The following VCF2 variants were observed in gnomAD, a reference collection of about 807,000 sequenced individuals.
VCF2 encodes the protein VCP nuclear cofactor family member 2.
At chrX:55,149,498 A>T in the VCF2 span, among the ~76,000 whole-genome samples, 1 of 111,565 alleles carries the variant, frequency 9.0e-6, no homozygotes, top group South Asian at 3.8e-4. Context: ...CATAAGGCAC[A>T]AGGCCAGAAA....
the VCF2 span, among the ~76,000 whole-genome samples, chrX:55,147,631 C>CTTTTTT: frequency 1.0e-4 from 7 of 68,553 alleles, no homozygotes; most frequent in East Asian, 1.5e-3. Context: ...GTTGGCTTTC[C>CTTTTTT]TTGTTTTTTT....
At chrX:55,160,939 G>A in the VCF2 span, 8 of 1,163,821 alleles carry the variant, frequency 6.9e-6, no homozygotes, top group South Asian at 1.3e-4. Flanking sequence ...CGGGGCACGA[G>A]GCAAGCAGGG....
At chrX:55,149,470 A>G in the VCF2 span, among the ~76,000 whole-genome samples, 1 of 111,514 alleles carries the variant, frequency 9.0e-6, no homozygotes, top group African/African-American at 3.3e-5. Context: ...GAAGATACCA[A>G]TCAAAATACA....
chrX:55,160,821 C>A, the VCF2 span: 6 of 1,153,154 alleles, frequency 5.2e-6, no homozygotes, highest in Non-Finnish European at 5.7e-6. Context: ...CGAGGGACCA[C>A]ATCCCCACCT....
chrX:55,148,512 C>T, the VCF2 span, among the ~76,000 whole-genome samples: 9 of 109,451 alleles, frequency 8.2e-5, no homozygotes, highest in East Asian at 2.8e-4. Context: ...TGGCAAGAAA[C>T]GTTAAAAGGA....
At chrX:55,147,634 G>GTTTTTTTTTTT in the VCF2 span, among the ~76,000 whole-genome samples, 22 of 54,067 alleles carry the variant, frequency 4.1e-4, no homozygotes, top group African/African-American at 1.0e-3. Flanking sequence ...GGCTTTCCTT[G>GTTTTTTTTTTT]TTTTTTTTTT....
At chrX:55,143,638 C>T in the VCF2 span, 3 of 417,438 alleles carry the variant, frequency 7.2e-6, no homozygotes, top group Non-Finnish European at 1.3e-5. Flanking sequence ...AAAGTAAGTC[C>T]GCATGCAGGA....
At chrX:55,158,498 T>G in the VCF2 span, among the ~76,000 whole-genome samples, 1 of 111,338 alleles carries the variant, frequency 9.0e-6, no homozygotes, top group East Asian at 2.8e-4. Flanking sequence ...AAAATTACAG[T>G]TAACAATAAT....
the VCF2 span, among the ~76,000 whole-genome samples, chrX:55,147,634 G>GTTT: frequency 2.0e-3 from 109 of 54,074 alleles, 1 homozygote; most frequent in African/African-American, 2.2e-3. Flanking sequence ...GGCTTTCCTT[G>GTTT]TTTTTTTTTT....
chrX:55,158,701 ACT>A, the VCF2 span, among the ~76,000 whole-genome samples: 425 of 111,395 alleles, frequency 3.8e-3, 2 homozygotes, highest in African/African-American at 0.013. Flanking sequence ...AAAACTTCAA[ACT>A]CTTTTTCCAG....
At chrX:55,160,569 A>G in the VCF2 span, among the ~76,000 whole-genome samples, 1 of 112,089 alleles carries the variant, frequency 8.9e-6, no homozygotes, top group African/African-American at 3.2e-5. Context: ...CGGACTGTGG[A>G]TAAGATTGGT....
chrX:55,145,490 T>G, the VCF2 span: 1 of 752,346 alleles, frequency 1.3e-6, no homozygotes, highest in Non-Finnish European at 1.6e-6. Flanking sequence ...TTCATGTTCA[T>G]AGTCTAAACT....
the VCF2 span, among the ~76,000 whole-genome samples, chrX:55,144,161 G>T: frequency 1.8e-5 from 2 of 111,638 alleles, no homozygotes; most frequent in African/African-American, 6.5e-5. Context: ...CAACTACACT[G>T]TGTTTTTAAT....
the VCF2 span, chrX:55,145,918 T>A: frequency 9.6e-7 from 1 of 1,040,697 alleles, no homozygotes; most frequent in Non-Finnish European, 1.2e-6. Flanking sequence ...AAACATTTAT[T>A]CACAGCCCCT....
the VCF2 span, among the ~76,000 whole-genome samples, chrX:55,155,786 G>GTT: frequency 9.0e-6 from 1 of 111,052 alleles, no homozygotes; most frequent in Non-Finnish European, 1.9e-5. Flanking sequence ...GCTAATGAAG[G>GTT]ATAAATAGAA....
At chrX:55,145,269 T>C in the VCF2 span, 1 of 678,884 alleles carries the variant, frequency 1.5e-6, no homozygotes, top group Non-Finnish European at 1.8e-6. Context: ...GATGGAATTA[T>C]GAGATCACAT....
chrX:55,153,960 A>G, the VCF2 span, among the ~76,000 whole-genome samples: 31 of 111,892 alleles, frequency 2.8e-4, no homozygotes, highest in African/African-American at 8.4e-4. Context: ...ATATTATGCA[A>G]CCTGGGCTTT....
the VCF2 span, chrX:55,145,097 G>A: frequency 8.3e-6 from 1 of 119,861 alleles, no homozygotes; most frequent in African/African-American, 3.2e-5. Context: ...TAAGCCATGT[G>A]AATCTTTGCA....
At chrX:55,159,036 G>A in the VCF2 span, 3 of 707,028 alleles carry the variant, frequency 4.2e-6, no homozygotes, top group Non-Finnish European at 5.9e-6. Context: ...AAGGTTTCTT[G>A]GAATAATACA....
Sources: allele counts gnomAD v4.1 joint callset (sites outside exome capture counted in the v4.1 genomes callset), GRCh38; gene constraint gnomAD v4.1.1; transcripts MANE v1.5; gene names NCBI Gene and HGNC (gene_info 2026-07-23, HGNC 2026-07-21).